PARN: variants seen among roughly 807,000 people sequenced by gnomAD.
PARN encodes the protein poly(A)-specific ribonuclease.
A neutral mutation model predicts 102.8 loss-of-function variants in PARN; 71 were observed. The observed-to-expected ratio is 0.69, with a 90% CI of 0.57 to 0.84. The LOEUF (loss-of-function observed/expected upper bound fraction) is 0.84, where lower values mean the gene tolerates loss of function less well. Among genes scored for constraint, PARN ranks in the 40% least tolerant of loss-of-function variants. The pLI is 0.00. For missense variants in PARN, 782 were observed against 760.9 expected, an observed-to-expected ratio of 1.03 and a Z score of -0.33; for synonymous variants, 261 against 252.9, an observed-to-expected ratio of 1.03 and a Z score of -0.30.
chr16:14,594,651 G>C (rs774216404), intron 12 of PARN, among the ~76,000 whole-genome samples: 2 of 152,192 alleles, frequency 1.3e-5, no homozygotes, highest in Non-Finnish European at 2.9e-5. Flanking sequence ...AGGAGGCGGA[G>C]GTTGCAGTGA....
chr16:14,498,479 C>G (rs945301488), intron 21 of PARN, among the ~76,000 whole-genome samples: 3 of 152,118 alleles, frequency 2.0e-5, no homozygotes, highest in African/African-American at 4.8e-5. Context: ...AACATGAGTC[C>G]TCTTCCTAGG....
chr16:14,572,913 GGGTCTTA>G (rs2151736829), intron 18 of PARN, among the ~76,000 whole-genome samples: 1 of 150,562 alleles, frequency 6.6e-6, no homozygotes, highest in Admixed American at 6.6e-5. Flanking sequence ...TTTTGAGACA[GGGTCTTA>G]CTCTGTCACC....
At chr16:14,629,832 C>A (rs1309049036) in intron 1 of PARN, among the ~76,000 whole-genome samples, 158 bp from the exon 2 acceptor site, 1 of 152,186 alleles carries the variant, frequency 6.6e-6, no homozygotes, top group Non-Finnish European at 1.5e-5. Context: ...TCGAGGGGTG[C>A]ATGGGTCAGG....
chr16:14,473,655 G>A (rs117478220), intron 22 of PARN, among the ~76,000 whole-genome samples: 9 of 152,300 alleles, frequency 5.9e-5, no homozygotes, highest in Non-Finnish European at 1.3e-4. Context: ...CAGGGCAAGA[G>A]AGAAGCACCA....
rs761469781 is a variant in PARN, at chr16:14,629,622, G to A, written c.72C>T (p.Phe24=). 3.1e-6 allele frequency: 5 copies of A among 1,613,566 alleles called. 1 individual carries two copies. The highest frequency in any genetic ancestry group is 2.2e-5 in the South Asian group (2 of 91,084). The change falls in exon 2 of 24, where the codon TTC becomes TTT. Residue 24 remains phenylalanine (F), a synonymous_variant. Coordinates refer to ENST00000437198, the MANE Select transcript of PARN (RefSeq NM_002582.4). The stretch of plus-strand genomic sequence containing the variant: ...CTGAAAACTCCCCATCGATGGCGAA[G>A]AAGTCGGCCTCCTCTATGGCCTGGT... ...KVYQAIEEAD[F]FAIDGEFSGI...
intron 17 of PARN, among the ~76,000 whole-genome samples, 167 bp downstream of exon 17, chr16:14,582,014 G>A (rs1346468206): frequency 6.6e-6 from 1 of 152,226 alleles, no homozygotes; most frequent in Non-Finnish European, 1.5e-5. Context: ...TACTAGGTCT[G>A]CTGGCAACTG....
chr16:14,587,622 C>T (rs941426737), intron 13 of PARN, among the ~76,000 whole-genome samples: 23 of 152,288 alleles, frequency 1.5e-4, no homozygotes, highest in Non-Finnish European at 2.9e-4. Flanking sequence ...GTATGCACCA[C>T]CACACCCAGC....
At chr16:14,482,606 G>A (rs774904333) in intron 22 of PARN, 32 bp downstream of exon 22, 13 of 1,509,076 alleles carry the variant, frequency 8.6e-6, no homozygotes, top group Middle Eastern at 1.7e-4. Flanking sequence ...CTAGAACTCT[G>A]GCCTTTTAAA....
intron 18 of PARN, among the ~76,000 whole-genome samples, chr16:14,579,577 T>A (rs1213525124): frequency 3.3e-5 from 5 of 151,536 alleles, no homozygotes; most frequent in Non-Finnish European, 7.4e-5. Context: ...CTCAAAAAAA[T>A]AATAATAATA....
At chr16:14,613,489 G>A (rs568868770) in intron 6 of PARN, among the ~76,000 whole-genome samples, 336 of 152,204 alleles carry the variant, frequency 2.2e-3, no homozygotes, top group African/African-American at 7.7e-3. Context: ...CACGCGTGGT[G>A]CCACGCGCCT....
chr16:14,451,725 T>C (rs993039229), intron 22 of PARN, among the ~76,000 whole-genome samples: 3 of 151,480 alleles, frequency 2.0e-5, no homozygotes, highest in Non-Finnish European at 4.4e-5. Flanking sequence ...AACTTCTATC[T>C]TGGCCAGGTG....
chr16:14,619,305 A>C (rs2151811488), intron 5 of PARN, among the ~76,000 whole-genome samples: 1 of 152,138 alleles, frequency 6.6e-6, no homozygotes, highest in South Asian at 2.1e-4. Flanking sequence ...ATTTAAATAA[A>C]AACATTAGAC....
At chr16:14,623,607 C>T (rs910259824) in intron 5 of PARN, among the ~76,000 whole-genome samples, 2 of 151,856 alleles carry the variant, frequency 1.3e-5, no homozygotes, top group Admixed American at 6.6e-5. Flanking sequence ...AAGGCCAAGG[C>T]GGGTGGATCA....
At chr16:14,540,747 T>C (rs771767508) in intron 21 of PARN, among the ~76,000 whole-genome samples, 2 of 151,820 alleles carry the variant, frequency 1.3e-5, no homozygotes, top group African/African-American at 2.4e-5. Flanking sequence ...AGCCCAGGAA[T>C]TGAAGACCAG....
chr16:14,443,773 T>TA (rs142699228), intron 23 of PARN, among the ~76,000 whole-genome samples: 2 of 152,336 alleles, frequency 1.3e-5, no homozygotes, highest in East Asian at 3.9e-4. Flanking sequence ...TACCCACAGG[T>TA]AGTGCCCTTT....
At chr16:14,519,012 C>T (rs556185508) in intron 21 of PARN, among the ~76,000 whole-genome samples, 1 of 151,916 alleles carries the variant, frequency 6.6e-6, no homozygotes, top group African/African-American at 2.4e-5. Context: ...AAATCGGTGG[C>T]GAATGCACTG....
At chr16:14,494,858 G>C (rs1384830094) in intron 21 of PARN, among the ~76,000 whole-genome samples, 1 of 152,176 alleles carries the variant, frequency 6.6e-6, no homozygotes, top group Admixed American at 6.5e-5. Context: ...GGGCAGTGCA[G>C]GGTTGTGCCA....
chr16:14,627,314 A>G lies in PARN; in HGVS notation c.200T>C (p.Phe67Ser), dbSNP rs1972737875. 6.3e-7 allele frequency: 1 copy of G among 1,591,792 alleles called. No homozygotes were observed. Among genetic ancestry groups the G allele is most frequent in the Admixed American group, 1.8e-5 (1 of 56,060 alleles). ...LKKHSMDFLL[F>S]QFGLCTFKYD... is the part of the protein sequence containing the mutation. ...CTTAAAAGTGCAAAGGCCAAACTGA[A>G]ATAGCAAAAAGTCCATGGAATGCTG... The change falls in exon 4 of 24, where the codon TTT becomes TCT. Residue 67 changes from phenylalanine (F) to serine (S), a missense_variant. Transcript: ENST00000437198.
At chr16:14,568,173 G>A (rs553283972) in intron 18 of PARN, among the ~76,000 whole-genome samples, 145 of 151,702 alleles carry the variant, frequency 9.6e-4, no homozygotes, top group South Asian at 3.3e-3. Context: ...GACAGGGCGC[G>A]ACCTCATCTC....
Sources: allele counts gnomAD v4.1 joint callset (sites outside exome capture counted in the v4.1 genomes callset), GRCh38; gene constraint gnomAD v4.1.1; transcripts MANE v1.5; gene names NCBI Gene and HGNC (gene_info 2026-07-23, HGNC 2026-07-21).